Variants in LMCD1 observed in about 807,000 individuals in gnomAD.
LMCD1 encodes the protein LIM and cysteine rich domains 1.
In LMCD1, 32 loss-of-function variants were observed where a neutral mutation model predicts 42.7. The observed-to-expected ratio is 0.75, with a 90% CI of 0.57 to 1.01. LMCD1 has a LOEUF of 1.01. Among genes scored for constraint, LMCD1 ranks in the 50% least tolerant of loss-of-function variants. The probability of loss-of-function intolerance (pLI) is 0.00; values close to 1 mark genes in which losing one functional copy is unlikely to be tolerated. For missense variants in LMCD1, 458 were observed against 483.1 expected (o/e 0.95, Z 0.49); for synonymous variants, 178 against 184.9 (o/e 0.96, Z 0.30).
rs1280566920 is a variant in LMCD1 at position 8,567,706 on chromosome 3, A to T, written c.*108A>T. On this transcript the variant is annotated 3_prime_UTR_variant, in exon 6 of 6. Coordinates refer to ENST00000157600, the MANE Select transcript of LMCD1 (RefSeq NM_014583.4). The stretch of plus-strand genomic sequence containing the variant: ...ATGTGACAGCAAGCAAGTGAAATAA[A>T]CAATGATTTGCTTTTCAGTGAGAAT... The T allele has an allele frequency of 1.5e-5, 16 of 1,082,836 alleles. No individual in the cohort carries two copies. Among genetic ancestry groups the T allele is most frequent in the Non-Finnish European group, 2.1e-5 (16 of 749,142 alleles). 67.1% of individuals were successfully genotyped at this position (1,082,836 alleles called of 1,614,324 possible). A position where few individuals can be genotyped will look rare whatever the true frequency, so the allele number is the denominator to read the frequency against.
intron 1 of LMCD1, among the ~76,000 whole-genome samples, chr3:8,509,485 T>C (rs536575948): frequency 6.6e-6 from 1 of 152,350 alleles, no homozygotes; most frequent in African/African-American, 2.4e-5. Context: ...TTTCTTTATA[T>C]AGCAAATATT....
chr3:8,552,116 G>C (rs563237927), intron 4 of LMCD1, among the ~76,000 whole-genome samples: 71 of 152,298 alleles, frequency 4.7e-4, no homozygotes, highest in African/African-American at 1.6e-3. Flanking sequence ...TGTGTTTGTC[G>C]TTACTGTCAG....
chr3:8,565,062 A>T lies in LMCD1; in HGVS notation c.724-370A>T, dbSNP rs116774579. On this transcript the variant is annotated intron_variant, in intron 4 of 5. Transcript: ENST00000157600. ...TTACAGGTTTAGTATTGTCATTTTT[A>T]AATGAATTAAAAAAATTTAAATTGT... is the stretch of plus-strand genomic sequence containing the variant. 3.1e-3 allele frequency among the ~76,000 whole-genome samples: 473 copies of T among 152,322 alleles called. 2 individuals are homozygous for T. The highest frequency in any genetic ancestry group is 0.01 in the African/African-American group (436 of 41,566).
chr3:8,555,596 G>A (rs991245080), intron 4 of LMCD1, among the ~76,000 whole-genome samples: 3 of 152,058 alleles, frequency 2.0e-5, no homozygotes, highest in African/African-American at 4.8e-5. Context: ...CTTTGCAGTG[G>A]AGATACTTTA....
At chr3:8,563,497 C>A (rs561640632) in intron 4 of LMCD1, among the ~76,000 whole-genome samples, 1 of 152,230 alleles carries the variant, frequency 6.6e-6, no homozygotes, top group Non-Finnish European at 1.5e-5. Context: ...CAAGCAGCCT[C>A]TCTCTGCCCT....
chr3:8,535,559 C>A (rs1694494578), intron 2 of LMCD1, among the ~76,000 whole-genome samples: 1 of 152,182 alleles, frequency 6.6e-6, no homozygotes, highest in African/African-American at 2.4e-5. Context: ...AGGTGTTTAA[C>A]CTCCCTTAAC....
chr3:8,547,831 A>G (rs1574968355), intron 3 of LMCD1, among the ~76,000 whole-genome samples: 3 of 151,906 alleles, frequency 2.0e-5, no homozygotes, highest in Non-Finnish European at 2.9e-5. Flanking sequence ...GCTTGCAGTG[A>G]GCCGAGATCA....
intron 4 of LMCD1, among the ~76,000 whole-genome samples, chr3:8,555,687 T>A (rs1694922149): frequency 1.3e-5 from 2 of 151,250 alleles, no homozygotes; most frequent in South Asian, 4.2e-4. Context: ...ATAAATACTT[T>A]TCCATGTTGC....
chr3:8,532,881 CG>C, intron 2 of LMCD1, 56 bp downstream of exon 2: 1 of 1,418,492 alleles, frequency 7.0e-7, no homozygotes, highest in Non-Finnish European at 1.0e-6. Context: ...GCTGTCCTCT[CG>C]GGGAACCCTG....
chr3:8,564,149 A>T (rs1387019275), intron 4 of LMCD1, among the ~76,000 whole-genome samples: 1 of 152,236 alleles, frequency 6.6e-6, no homozygotes, highest in Non-Finnish European at 1.5e-5. Context: ...ATTAATTATG[A>T]CAAATATACC....
intron 1 of LMCD1, among the ~76,000 whole-genome samples, chr3:8,502,964 ACT>A (rs1693794965): frequency 6.6e-6 from 1 of 152,028 alleles, no homozygotes; most frequent in South Asian, 2.1e-4. Flanking sequence ...AGGCATCCAG[ACT>A]CAGTCCCTGC....
In LMCD1 at chr3:8,524,501, T is replaced by C. The variant is rs1481651988; in HGVS notation, c.43-8236T>C. Among the ~76,000 whole-genome samples, 4 of 152,196 alleles carry C rather than the reference T, an allele frequency of 2.6e-5. No homozygotes were observed. The South Asian group carries it at 8.3e-4, about 32-fold the overall frequency. On this transcript the variant is annotated intron_variant, in intron 1 of 5. Coordinates refer to ENST00000157600, the MANE Select transcript of LMCD1 (RefSeq NM_014583.4). The stretch of plus-strand genomic sequence containing the variant: ...CACCAAAACCTGTGGGGCAGGCTTG[T>C]GCCAGGGCTGATGCTGAAATGACAA...
At chr3:8,512,544 A>T (rs573754844) in intron 1 of LMCD1, among the ~76,000 whole-genome samples, 1 of 152,200 alleles carries the variant, frequency 6.6e-6, no homozygotes, top group Non-Finnish European at 1.5e-5. Flanking sequence ...GCAAGGTTTG[A>T]TGGAAAAGCT....
intron 3 of LMCD1, among the ~76,000 whole-genome samples, chr3:8,542,675 G>T (rs1694648929): frequency 6.6e-6 from 1 of 152,218 alleles, no homozygotes; most frequent in African/African-American, 2.4e-5. Context: ...TTTTCCTCTT[G>T]GAAAATCATC....
chr3:8,567,430 C>T lies in LMCD1; in HGVS notation c.940-10C>T, dbSNP rs199536878. Reference sequence around the variant, plus strand: ...ACTGAGTCATGCATTTCTCCTGCTCCCCTCCCCAGATAATATTCGCTGAGG... The same window carrying T: ...ACTGAGTCATGCATTTCTCCTGCTCTCCTCCCCAGATAATATTCGCTGAGG... On this transcript the variant is annotated splice_polypyrimidine_tract_variant and intron_variant, in intron 5 of 5. Coordinates refer to ENST00000157600, the MANE Select transcript of LMCD1 (RefSeq NM_014583.4). 4.3e-6 allele frequency: 7 copies of T among 1,612,832 alleles called. No homozygotes were observed. Among genetic ancestry groups the T allele is most frequent in the Admixed American group, 3.3e-5 (2 of 59,946 alleles).
intron 1 of LMCD1, among the ~76,000 whole-genome samples, chr3:8,510,198 A>G (rs1693969295): frequency 2.6e-5 from 4 of 152,134 alleles, no homozygotes. Flanking sequence ...TGACCCGTGC[A>G]ATCTGCTGGC....
rs111267527 is a variant in LMCD1, at chr3:8,514,391, A to G, written c.42+12411A>G. ...GCTGGAGAGGATGTGGAGCAACTGG[A>G]ACTCACAGACATTGCCAGGGAGAAT... On this transcript the variant is annotated intron_variant, in intron 1 of 5. Transcript: ENST00000157600. Among the ~76,000 whole-genome samples, 900 of 152,342 alleles carry G rather than the reference A, an allele frequency of 5.9e-3. 11 individuals are homozygous for G. The highest frequency in any genetic ancestry group is 0.01 in the South Asian group (49 of 4,826).
intron 4 of LMCD1, among the ~76,000 whole-genome samples, chr3:8,562,092 T>A (rs911596773): frequency 6.6e-6 from 1 of 151,942 alleles, no homozygotes; most frequent in Non-Finnish European, 1.5e-5. Context: ...ACAGAGAACT[T>A]CTCCCAGGCA....
At chr3:8,544,622 C>T in intron 3 of LMCD1, among the ~76,000 whole-genome samples, 1 of 152,168 alleles carries the variant, frequency 6.6e-6, no homozygotes, top group Non-Finnish European at 1.5e-5. Context: ...TTGTACTCCC[C>T]CACCCCACAA....
Sources: allele counts gnomAD v4.1 joint callset (sites outside exome capture counted in the v4.1 genomes callset), GRCh38; gene constraint gnomAD v4.1.1; transcripts MANE v1.5; gene names NCBI Gene and HGNC (gene_info 2026-07-23, HGNC 2026-07-21).